Variants in LPP observed in about 807,000 individuals in gnomAD.
The protein encoded by LPP is LIM domain containing preferred translocation partner in lipoma, also known as lipoma-preferred partner.
LPP carries 38 observed loss-of-function variants against 60.4 expected under a neutral mutation model. The observed-to-expected ratio is 0.63, with a 90% CI of 0.49 to 0.83. The LOEUF is 0.83. Among genes scored for constraint, LPP ranks in the 40% least tolerant of loss-of-function variants. The probability of loss-of-function intolerance (pLI) is 0.00; values close to 1 mark genes in which losing one functional copy is unlikely to be tolerated. For missense variants in LPP, 902 were observed against 783.6 expected, an observed-to-expected ratio of 1.15 and a Z score of -1.80; for synonymous variants, 328 against 290.8, an observed-to-expected ratio of 1.13 and a Z score of -1.30.
At chr3:188,455,571 C>T (rs111877630) in intron 4 of LPP, among the ~76,000 whole-genome samples, 15 of 152,074 alleles carry the variant, frequency 9.9e-5, no homozygotes, top group African/African-American at 2.2e-4. Context: ...TTGCTCTCTG[C>T]GAGACAGAGA....
At chr3:188,580,314 A>G (rs1206580107) in intron 6 of LPP, among the ~76,000 whole-genome samples, 2 of 151,934 alleles carry the variant, frequency 1.3e-5, no homozygotes. Context: ...ATAAAAGATT[A>G]TCAGTAAGAT....
At chr3:188,306,247 A>ATTTTT (rs66669354) in intron 2 of LPP, among the ~76,000 whole-genome samples, 2 of 145,596 alleles carry the variant, frequency 1.4e-5, no homozygotes, top group Non-Finnish European at 1.5e-5. Context: ...TGTCCAGCTA[A>ATTTTT]TTTTTTTTTT....
At chr3:188,463,112 C>G (rs1799539312) in intron 4 of LPP, among the ~76,000 whole-genome samples, 1 of 152,062 alleles carries the variant, frequency 6.6e-6, no homozygotes, top group Non-Finnish European at 1.5e-5. Flanking sequence ...CCAAAAACAA[C>G]AACAACAAAA....
chr3:188,481,356 A>T (rs958633107), intron 4 of LPP, among the ~76,000 whole-genome samples: 1 of 152,224 alleles, frequency 6.6e-6, no homozygotes, highest in African/African-American at 2.4e-5. Context: ...CTTTGGTCTG[A>T]CTTAATAATT....
chr3:188,553,635 A>G (rs1433408834), intron 6 of LPP: 1 of 152,246 alleles, frequency 6.6e-6, no homozygotes, highest in Non-Finnish European at 1.5e-5. Flanking sequence ...TTGTTCAAGA[A>G]TGATTCATAA....
chr3:188,655,875 G>A (rs913380671), intron 7 of LPP, among the ~76,000 whole-genome samples: 2 of 151,980 alleles, frequency 1.3e-5, no homozygotes, highest in Admixed American at 6.6e-5. Context: ...CAAGGTGCAA[G>A]CGGTGCTAAT....
intron 4 of LPP, among the ~76,000 whole-genome samples, chr3:188,432,499 G>A (rs1791159325): frequency 1.3e-5 from 2 of 152,146 alleles, no homozygotes; most frequent in African/African-American, 4.8e-5. Flanking sequence ...ATGAATCAGG[G>A]TGGATTCAGA....
chr3:188,577,903 CCTCT>C, intron 6 of LPP, among the ~76,000 whole-genome samples: 1 of 147,200 alleles, frequency 6.8e-6, no homozygotes, highest in Non-Finnish European at 1.5e-5. Flanking sequence ...CCTCCATCTC[CCTCT>C]CTCTCTCCTC....
chr3:188,803,517 T>C (rs1747971850), intron 9 of LPP, among the ~76,000 whole-genome samples: 1 of 152,150 alleles, frequency 6.6e-6, no homozygotes, highest in Admixed American at 6.5e-5. Context: ...AGTAAAGGTA[T>C]TTTTCCCCCC....
chr3:188,627,904 T>C lies in LPP; in HGVS notation c.1113+18060T>C, dbSNP rs529709505. Among the ~76,000 whole-genome samples, 198 of 152,256 alleles carry C rather than the reference T, an allele frequency of 1.3e-3. 1 individual carries two copies. Among genetic ancestry groups the C allele is most frequent in the African/African-American group, 4.6e-3 (193 of 41,560 alleles). On this transcript the variant is annotated intron_variant, in intron 7 of 11. Transcript: ENST00000617246. ...AAAGAATTCAAAATAACTGACATCA[T>C]ACCAACCACATTCTCAGACCACAGT... is the stretch of plus-strand genomic sequence containing the variant.
intron 2 of LPP, among the ~76,000 whole-genome samples, chr3:188,238,691 A>AC (rs35532655): frequency 0.034 from 5,227 of 152,202 alleles, 167 homozygotes; most frequent in African/African-American, 0.079. Flanking sequence ...GATTTGTGAT[A>AC]CCCCAAAATA....
intron 1 of LPP, among the ~76,000 whole-genome samples, chr3:188,199,532 G>T (rs915666992): frequency 6.6e-6 from 1 of 152,104 alleles, no homozygotes; most frequent in Non-Finnish European, 1.5e-5. Flanking sequence ...GTATTCACTG[G>T]CAAATCAGGA....
rs1437544148 is a variant in LPP at position 188,875,564 on chromosome 3, CA to C, written c.*1089del. 2 of 209,836 alleles carry C rather than the reference CA, an allele frequency of 9.5e-6. No homozygotes were observed. Among genetic ancestry groups the C allele is most frequent in the East Asian group, 1.4e-4 (2 of 13,852 alleles). The allele number at this position is 209,836 out of a possible 1,614,324, so 13.0% of individuals were successfully genotyped here. A position where few individuals can be genotyped will look rare whatever the true frequency, so the allele number is the denominator to read the frequency against. On this transcript the variant is annotated 3_prime_UTR_variant, in exon 12 of 12. Transcript: ENST00000617246. ...TGTGCAGTTTTGTTTGGTTTACTTT[CA>C]AAAGAGTAGAAAGCTTGAAAAGATT...
At chr3:188,487,921 A>G (rs1289926957) in intron 5 of LPP, among the ~76,000 whole-genome samples, 1 of 152,198 alleles carries the variant, frequency 6.6e-6, no homozygotes, top group Admixed American at 6.5e-5. Context: ...AAGAGTTGTA[A>G]GATTTTGAGA....
At position 188,416,442 on chromosome 3, in the gene LPP, G is replaced by T. The variant is rs1051067945; in HGVS notation, c.193+10129G>T. Among the ~76,000 whole-genome samples the T allele has an allele frequency of 5.9e-5, 9 of 152,262 alleles. No homozygotes were observed. In the South Asian group the frequency reaches 1.9e-3, roughly 32 times the overall value. On this transcript the variant is annotated intron_variant, in intron 4 of 11. Coordinates refer to ENST00000617246, the MANE Select transcript of LPP (RefSeq NM_001375462.1). ...TAAAAAATAAAACAGAACTTCCCGG[G>T]AATTGTGATTGATGCTCAACCAACG...
At chr3:188,432,175 A>G (rs1180893728) in intron 4 of LPP, among the ~76,000 whole-genome samples, 2 of 152,172 alleles carry the variant, frequency 1.3e-5, no homozygotes, top group African/African-American at 4.8e-5. Context: ...TAAGTTGCCC[A>G]AGGCATCATG....
At chr3:188,392,704 A>T (rs1279307365) in intron 3 of LPP, among the ~76,000 whole-genome samples, 2 of 152,142 alleles carry the variant, frequency 1.3e-5, no homozygotes, top group African/African-American at 4.8e-5. Flanking sequence ...CAAAACAAGC[A>T]GAATGAGCAA....
chr3:188,264,164 A>C (rs1668266542), intron 2 of LPP, among the ~76,000 whole-genome samples: 1 of 152,102 alleles, frequency 6.6e-6, no homozygotes, highest in Non-Finnish European at 1.5e-5. Flanking sequence ...GGTGCTTATT[A>C]AGCTTTCTTT....
At chr3:188,645,043 G>C (rs557092054) in intron 7 of LPP, among the ~76,000 whole-genome samples, 2 of 152,280 alleles carry the variant, frequency 1.3e-5, no homozygotes, top group East Asian at 3.9e-4. Context: ...TTATAGTAAA[G>C]AGTAAATGAG....
Sources: allele counts gnomAD v4.1 joint callset (sites outside exome capture counted in the v4.1 genomes callset), GRCh38; gene constraint gnomAD v4.1.1; transcripts MANE v1.5; gene names NCBI Gene and HGNC (gene_info 2026-07-23, HGNC 2026-07-21).